Variants in LRFN2 observed in about 807,000 individuals in gnomAD.
The protein encoded by LRFN2 is leucine-rich repeat and fibronectin type-III domain-containing protein 2.
A neutral mutation model predicts 37.3 loss-of-function variants in LRFN2; 18 were observed. The ratio of observed to expected loss-of-function variants is 0.48; its 90% CI spans 0.33 to 0.72. The LOEUF (loss-of-function observed/expected upper bound fraction) is 0.72, where lower values mean the gene tolerates loss of function less well. Among genes scored for constraint, LRFN2 ranks in the 30% least tolerant of loss-of-function variants. The probability of loss-of-function intolerance (pLI) is 0.02; values close to 1 mark genes in which losing one functional copy is unlikely to be tolerated. For missense variants in LRFN2, 1,006 were observed against 1,060.7 expected (o/e 0.95, Z 0.72); for synonymous variants, 556 against 466.6 (o/e 1.19, Z -2.47).
intron 2 of LRFN2, among the ~76,000 whole-genome samples, chr6:40,421,341 C>T (rs1475802000): frequency 8.5e-5 from 13 of 152,296 alleles, no homozygotes; most frequent in Non-Finnish European, 1.6e-4. Flanking sequence ...CCTGGAGACA[C>T]GTGCCCAAGG....
At chr6:40,495,885 C>CT (rs1217526648) in intron 1 of LRFN2, among the ~76,000 whole-genome samples, 3 of 152,184 alleles carry the variant, frequency 2.0e-5, no homozygotes, top group Admixed American at 2.0e-4. Flanking sequence ...CAGCCCAGCC[C>CT]TTTCCTCCAA....
chr6:40,441,505 G>C (rs529173124), intron 1 of LRFN2, among the ~76,000 whole-genome samples: 1 of 152,176 alleles, frequency 6.6e-6, no homozygotes, highest in African/African-American at 2.4e-5. Context: ...GAGTGAGTCT[G>C]CCTGAGGAAG....
intron 2 of LRFN2, among the ~76,000 whole-genome samples, chr6:40,401,174 A>AGCCTCCAGGAAGAGCATATGG (rs1561839502): frequency 6.6e-6 from 1 of 151,434 alleles, no homozygotes; most frequent in Non-Finnish European, 1.5e-5. Flanking sequence ...CCTGGTCCTC[A>AGCCTCCAGGAAGAGCATATGG]GCCTCCAGGA....
intron 1 of LRFN2, among the ~76,000 whole-genome samples, chr6:40,493,317 G>C (rs1765137061): frequency 6.6e-6 from 1 of 152,162 alleles, no homozygotes; most frequent in Non-Finnish European, 1.5e-5. Flanking sequence ...GTCCTGACTT[G>C]AACCCTGACT....
At chr6:40,506,133 C>T (rs1218858407) in intron 1 of LRFN2, among the ~76,000 whole-genome samples, 1 of 152,234 alleles carries the variant, frequency 6.6e-6, no homozygotes, top group Non-Finnish European at 1.5e-5. Context: ...CTTATTCCAG[C>T]ATTCTCAAAG....
intron 1 of LRFN2, among the ~76,000 whole-genome samples, chr6:40,492,602 C>G (rs1765118495): frequency 6.6e-6 from 1 of 152,196 alleles, no homozygotes; most frequent in African/African-American, 2.4e-5. Context: ...TACAACCAGC[C>G]TGGGGTTTAC....
intron 1 of LRFN2, among the ~76,000 whole-genome samples, chr6:40,433,705 A>G (rs1276437631): frequency 1.3e-5 from 2 of 152,246 alleles, no homozygotes; most frequent in Non-Finnish European, 2.9e-5. Context: ...AGATAAGAAG[A>G]GAGTTGGTGC....
chr6:40,581,384 C>T (rs1228711481), intron 1 of LRFN2, among the ~76,000 whole-genome samples: 1 of 152,142 alleles, frequency 6.6e-6, no homozygotes, highest in Non-Finnish European at 1.5e-5. Flanking sequence ...GAGGGGACGG[C>T]CAAAGTCACA....
chr6:40,547,268 C>T (rs909183043), intron 1 of LRFN2, among the ~76,000 whole-genome samples: 11 of 152,066 alleles, frequency 7.2e-5, no homozygotes, highest in African/African-American at 2.2e-4. Context: ...CCACACCTGG[C>T]TAATTTTTGT....
chr6:40,562,741 T>A (rs905987038), intron 1 of LRFN2, among the ~76,000 whole-genome samples: 2 of 152,114 alleles, frequency 1.3e-5, no homozygotes, highest in African/African-American at 4.8e-5. Context: ...TTTCTGTCTG[T>A]GCATGGAGAT....
At chr6:40,458,165 C>T (rs185467356) in intron 1 of LRFN2, among the ~76,000 whole-genome samples, 1 of 152,302 alleles carries the variant, frequency 6.6e-6, no homozygotes, top group East Asian at 1.9e-4. Flanking sequence ...TTTTCTTTAA[C>T]ATGTGGAGAA....
chr6:40,488,000 C>G (rs1353451668), intron 1 of LRFN2, among the ~76,000 whole-genome samples: 2 of 152,140 alleles, frequency 1.3e-5, no homozygotes, highest in Non-Finnish European at 2.9e-5. Flanking sequence ...CCCAGGCTCC[C>G]CAGTCACAGC....
Position 40,432,026 on chromosome 6 carries a change from T to C in LRFN2, c.1088A>G (p.Asn363Ser), listed in dbSNP as rs147523221. The change falls in exon 2 of 3, where the codon AAT becomes AGT. Residue 363 changes from asparagine (N) to serine (S), a missense_variant. This residue lies in a region of LRFN2 where 303 missense variants were observed against 299.8 expected (regional missense o/e 1.01). Coordinates refer to ENST00000338305, the MANE Select transcript of LRFN2 (RefSeq NM_020737.3). ...DSGAFTCIAA[N>S]AAGEATAMVE... is the part of the protein sequence containing the mutation. ...CATGGCCGTGGCCTCTCCGGCAGCA[T>C]TGGCAGCAATGCAGGTGAAGGCACC... 1.7e-4 allele frequency: 278 copies of C among 1,613,912 alleles called. 1 individual carries two copies. Among genetic ancestry groups the C allele is most frequent in the Non-Finnish European group, 2.3e-4 (271 of 1,180,004 alleles).
In LRFN2 at chr6:40,585,303, A is replaced by T. The variant is rs914909435; in HGVS notation, c.-19+1638T>A. Among the ~76,000 whole-genome samples, 7 of 152,286 alleles carry T rather than the reference A, an allele frequency of 4.6e-5. No homozygotes were observed. In the South Asian group the frequency reaches 6.2e-4, roughly 14 times the overall value. The stretch of plus-strand genomic sequence containing the variant: ...CAGGGGGCCTGAGCAGAAGCATGTG[A>T]GGAGGCCAGAGGGAGATGCAACTCT... On this transcript the variant is annotated intron_variant, in intron 1 of 2. Transcript: ENST00000338305.
At chr6:40,435,050 T>TAGAGAG (rs1384410748) in intron 1 of LRFN2, among the ~76,000 whole-genome samples, 99 of 60,032 alleles carry the variant, frequency 1.6e-3, no homozygotes, top group Non-Finnish European at 2.1e-3. Context: ...TATATATATA[T>TAGAGAG]ATAGAGAGAG....
chr6:40,420,540 T>G (rs1220326247), intron 2 of LRFN2, among the ~76,000 whole-genome samples: 5 of 152,230 alleles, frequency 3.3e-5, no homozygotes, highest in Non-Finnish European at 5.9e-5. Flanking sequence ...TGTGGGCAGG[T>G]GCCAAGAAAT....
intron 1 of LRFN2, among the ~76,000 whole-genome samples, chr6:40,532,862 A>G (rs778530254): frequency 1.1e-4 from 17 of 152,226 alleles, no homozygotes; most frequent in Non-Finnish European, 1.8e-4. Flanking sequence ...TGAACACAAT[A>G]CAATGATAAT....
intron 1 of LRFN2, among the ~76,000 whole-genome samples, chr6:40,485,036 TGTTTG>T (rs1269817977): frequency 2.6e-5 from 4 of 152,240 alleles, no homozygotes; most frequent in African/African-American, 9.6e-5. Context: ...TCTGCATTCA[TGTTTG>T]TCATCACACG....
chr6:40,401,093 A>G (rs945888542), intron 2 of LRFN2, among the ~76,000 whole-genome samples: 3 of 146,818 alleles, frequency 2.0e-5, no homozygotes, highest in African/African-American at 7.3e-5. Context: ...TTTCTAATGG[A>G]ACAGAGTTTA....
Sources: gnomAD v4.1 joint callset for allele counts (sites outside exome capture counted in the v4.1 genomes callset) on GRCh38, gnomAD v4.1.1 for gene constraint, gnomAD v4.1.1 regional missense constraint, MANE v1.5 for transcripts, NCBI Gene and HGNC (gene_info 2026-07-23, HGNC 2026-07-21) for gene names.